The following USP30 variants were observed in gnomAD, a reference collection of about 807,000 sequenced individuals.
USP30 encodes ubiquitin specific peptidase 30, also known as ubiquitin carboxyl-terminal hydrolase 30.
In USP30, 41 loss-of-function variants were observed where a neutral mutation model predicts 68.2. The observed-to-expected ratio is 0.60, with a 90% CI of 0.47 to 0.78. USP30 has a LOEUF of 0.78. Among genes scored for constraint, USP30 ranks in the 30% least tolerant of loss-of-function variants. The probability of loss-of-function intolerance (pLI) is 0.00; values close to 1 mark genes in which losing one functional copy is unlikely to be tolerated. For synonymous variants in USP30, 229 were observed against 253.7 expected (o/e 0.90, Z 0.93); for missense variants, 522 against 649.4 (o/e 0.80, Z 2.13).
chr12:109,048,715 G>A (rs1428838461), upstream of USP30, among the ~76,000 whole-genome samples: 8 of 143,314 alleles, frequency 5.6e-5, no homozygotes, highest in African/African-American at 2.1e-4. Flanking sequence ...ACTCCAGCCT[G>A]GGCAACAGAG....
At chr12:109,074,837 C>T (rs528421154) in intron 7 of USP30, among the ~76,000 whole-genome samples, 8 of 152,260 alleles carry the variant, frequency 5.3e-5, no homozygotes, top group East Asian at 1.9e-4. Context: ...AGAACTTATT[C>T]GTCTTATAAC....
intron 11 of USP30, 24 bp from the exon 12 acceptor site, chr12:109,084,929 G>T: frequency 6.5e-7 from 1 of 1,538,120 alleles, no homozygotes; most frequent in Non-Finnish European, 8.8e-7. Context: ...AATTTTCATT[G>T]ACTCGGGCCT....
At chr12:109,075,666 G>A (rs1324108167) in intron 7 of USP30, among the ~76,000 whole-genome samples, 1 of 152,040 alleles carries the variant, frequency 6.6e-6, no homozygotes, top group Non-Finnish European at 1.5e-5. Flanking sequence ...CTGTCATTTT[G>A]GTAATAGCCA....
In USP30 at chr12:109,057,914, CTT is replaced by C. The variant is rs550496385; in HGVS notation, c.194-4_194-3del. On this transcript the variant is annotated splice_polypyrimidine_tract_variant and intron_variant, in intron 2 of 12. Coordinates refer to ENST00000257548, the MANE Select transcript of USP30 (RefSeq NM_032663.5). ...ATATACTGTTCTCTTCTTCCCCCTG[CTT>C]TTTTTTTAGGGCTTGTGCCTGGCCT... 2 of 1,555,244 alleles carry C rather than the reference CTT, an allele frequency of 1.3e-6. No homozygotes were observed. The highest frequency in any genetic ancestry group is 8.8e-7 in the Non-Finnish European group (1 of 1,139,970).
At position 109,052,781 on chromosome 12, in the gene USP30, G is replaced by A. The variant is rs1217962504; in HGVS notation, c.83+20G>A. 6.9e-7 allele frequency: 1 copy of A among 1,441,276 alleles called. No homozygotes were observed. The allele number at this position is 1,441,276 out of a possible 1,614,324, so 89.3% of individuals were successfully genotyped here. A position where few individuals can be genotyped will look rare whatever the true frequency, so the allele number is the denominator to read the frequency against. ...CGTCAGGTGAGATTTTGGGGGGCGG[G>A]GCTGCCGAAGAGGCCGGGACCAGGG... On this transcript the variant is annotated intron_variant, in intron 1 of 12. Coordinates refer to ENST00000257548, the MANE Select transcript of USP30 (RefSeq NM_032663.5).
intron 7 of USP30, among the ~76,000 whole-genome samples, chr12:109,074,445 T>G (rs1293416597): frequency 6.6e-6 from 1 of 152,194 alleles, no homozygotes; most frequent in African/African-American, 2.4e-5. Context: ...TTTAAGGAAC[T>G]GCCAGACTGT....
rs1164066078 is a variant in USP30 at position 109,082,897 on chromosome 12, A to C, written c.1003A>C (p.Thr335Pro). The stretch of plus-strand genomic sequence containing the variant: ...GCGGCTGAGCTGGTCCAGCCACGGC[A>C]CGCCTCTGAAGCGGCATGAGCACGT... ...LQRLSWSSHGTPLKRHEHVQF... is the reference protein window; with the variant it reads ...LQRLSWSSHGPPLKRHEHVQF... The change falls in exon 11 of 13, where the codon ACG (threonine) becomes CCG (proline). Residue 335 changes from threonine to proline, a missense_variant. Transcript: ENST00000257548. 1.9e-6 allele frequency: 3 copies of C among 1,614,082 alleles called. No homozygotes were observed. The African/African-American group carries it at 4.0e-5, about 22-fold the overall frequency.
intron 3 of USP30, among the ~76,000 whole-genome samples, chr12:109,044,633 T>C (rs1358981665): frequency 6.6e-6 from 1 of 151,896 alleles, no homozygotes; most frequent in African/African-American, 2.4e-5. Context: ...TGAGACTCTT[T>C]CTCTAAAAAT....
intron 3 of USP30, among the ~76,000 whole-genome samples, chr12:109,045,895 T>C (rs1005408504): frequency 1.3e-5 from 2 of 152,122 alleles, no homozygotes; most frequent in Non-Finnish European, 2.9e-5. Flanking sequence ...TAGACATAGC[T>C]ATACATGTAG....
chr12:109,025,696 G>A (rs573199345), intron 2 of USP30, among the ~76,000 whole-genome samples: 1 of 151,776 alleles, frequency 6.6e-6, no homozygotes, highest in South Asian at 2.1e-4. Flanking sequence ...TTTTTTGACA[G>A]GGTCTTGCTC....
chr12:109,087,197 A>C lies in USP30; in HGVS notation c.*1266A>C, dbSNP rs1204281735. On this transcript the variant is annotated 3_prime_UTR_variant, in exon 13 of 13. Coordinates refer to ENST00000257548, the MANE Select transcript of USP30 (RefSeq NM_032663.5). ...ATGACACAGTAGTACCTATGTTTTA[A>C]GCTATATTTTTAATTTAGAAAAATG... 6.6e-6 allele frequency: 1 copy of C among 152,156 alleles called. No individual in the cohort carries two copies. The highest frequency in any genetic ancestry group is 1.5e-5 in the Non-Finnish European group (1 of 68,026). The allele number at this position is 152,156 out of a possible 1,614,324, so 9.4% of individuals were successfully genotyped here. A position where few individuals can be genotyped will look rare whatever the true frequency, so the allele number is the denominator to read the frequency against.
At chr12:109,051,328 C>T (rs953891979), upstream of USP30, among the ~76,000 whole-genome samples, 1 of 141,016 alleles carries the variant, frequency 7.1e-6, no homozygotes, top group Non-Finnish European at 1.5e-5. Context: ...GTGATCTCAG[C>T]TCACTGCAGC....
chr12:109,041,755 A>T (rs2040566888), intron 3 of USP30, among the ~76,000 whole-genome samples: 1 of 152,146 alleles, frequency 6.6e-6, no homozygotes, highest in African/African-American at 2.4e-5. Flanking sequence ...TTATCATGGC[A>T]TTCCTTGAAG....
chr12:109,049,402 C>T (rs1285886837), upstream of USP30, among the ~76,000 whole-genome samples: 3 of 152,168 alleles, frequency 2.0e-5, no homozygotes, highest in Non-Finnish European at 2.9e-5. Context: ...TTGGAACATA[C>T]ACAATACCGA....
At chr12:109,054,012 C>T (rs1434683628) in intron 1 of USP30, 1 of 455,952 alleles carries the variant, frequency 2.2e-6, no homozygotes, top group East Asian at 6.9e-5. Flanking sequence ...GATAGTAGAA[C>T]CTGCATCTGT....
upstream of USP30, chr12:109,052,425 T>A (rs2040688928): frequency 1.9e-5 from 7 of 375,154 alleles, no homozygotes; most frequent in Non-Finnish European, 3.3e-5. Flanking sequence ...CCCAGGCAAC[T>A]GAGCCCAGCG....
intron 3 of USP30, among the ~76,000 whole-genome samples, chr12:109,064,467 G>A (rs970354812): frequency 6.6e-6 from 1 of 152,070 alleles, no homozygotes. Flanking sequence ...TTTTAATAGA[G>A]TTGATGGTTC....
intron 3 of USP30, among the ~76,000 whole-genome samples, chr12:109,036,784 A>G (rs902864349): frequency 4.6e-5 from 7 of 152,002 alleles, no homozygotes; most frequent in Admixed American, 2.6e-4. Flanking sequence ...GTTTCTAATG[A>G]GAATTTAGCT....
At chr12:109,031,097 TA>T (rs924244824) in intron 3 of USP30, among the ~76,000 whole-genome samples, 16 of 151,242 alleles carry the variant, frequency 1.1e-4, no homozygotes, top group East Asian at 1.9e-4. Context: ...TTTAAAAAAC[TA>T]AAAAAAAACA....
Sources: gnomAD v4.1 joint callset for allele counts (sites outside exome capture counted in the v4.1 genomes callset) on GRCh38, gnomAD v4.1.1 for gene constraint, MANE v1.5 for transcripts, NCBI Gene and HGNC (gene_info 2026-07-23, HGNC 2026-07-21) for gene names.